Variants in DLG2 observed in about 807,000 individuals in gnomAD.
DLG2 encodes discs large MAGUK scaffold protein 2, also known as disks large homolog 2.
In DLG2, 45 loss-of-function variants were observed where a neutral mutation model predicts 132.5. The ratio of observed to expected loss-of-function variants is 0.34; its 90% CI spans 0.27 to 0.44. The LOEUF is 0.44. Ranked by LOEUF, DLG2 falls within the 20% of genes least tolerant of loss-of-function variation. The pLI, the probability that DLG2 is intolerant of heterozygous loss-of-function variation, is 1.00. For synonymous variants in DLG2, 424 were observed against 419.6 expected (o/e 1.01, Z -0.13); for missense variants, 1,045 against 1,196.9 (o/e 0.87, Z 1.87).
At chr11:83,641,986 A>G (rs1436022404) in intron 18 of DLG2, among the ~76,000 whole-genome samples, 1 of 152,088 alleles carries the variant, frequency 6.6e-6, no homozygotes, top group African/African-American at 2.4e-5. Context: ...TATGAACTAA[A>G]TTCATCAGAA....
intron 7 of DLG2, among the ~76,000 whole-genome samples, chr11:84,405,813 A>T (rs1015830465): frequency 6.6e-6 from 1 of 151,966 alleles, no homozygotes; most frequent in Non-Finnish European, 1.5e-5. Context: ...ATATATAAAA[A>T]CTCAATTCAC....
chr11:85,308,891 T>C (rs115548378), intron 3 of DLG2, among the ~76,000 whole-genome samples: 122 of 152,260 alleles, frequency 8.0e-4, no homozygotes, highest in African/African-American at 2.8e-3. Context: ...AATACTACTA[T>C]TGTTATTATT....
intron 4 of DLG2, among the ~76,000 whole-genome samples, chr11:85,185,630 T>C (rs1171507104): frequency 6.6e-6 from 1 of 151,748 alleles, no homozygotes; most frequent in African/African-American, 2.4e-5. Context: ...TTCTATCTGC[T>C]TGGCTGATTC....
At chr11:83,856,466 C>G (rs999073893) in intron 16 of DLG2, among the ~76,000 whole-genome samples, 1 of 152,146 alleles carries the variant, frequency 6.6e-6, no homozygotes, top group East Asian at 1.9e-4. Flanking sequence ...AAAAGCAGTC[C>G]TTTTTCTCCA....
chr11:85,065,593 G>T (rs1212719882), intron 6 of DLG2, among the ~76,000 whole-genome samples: 2 of 150,460 alleles, frequency 1.3e-5, no homozygotes, highest in African/African-American at 4.9e-5. Context: ...TAAGTTCTGG[G>T]ATAAAATAAC....
intron 6 of DLG2, among the ~76,000 whole-genome samples, chr11:84,924,361 C>T (rs981847571): frequency 9.9e-5 from 15 of 152,172 alleles, no homozygotes; most frequent in Non-Finnish European, 8.8e-5. Context: ...GTCTTTGCCA[C>T]GATGCTCCCC....
chr11:83,733,240 C>CAAA (rs71066061), intron 18 of DLG2, among the ~76,000 whole-genome samples: 92 of 45,928 alleles, frequency 2.0e-3, no homozygotes, highest in African/African-American at 2.3e-3. Flanking sequence ...GACCCCATCT[C>CAAA]AAAAAAAAAA....
At chr11:85,237,481 C>A (rs1595606890) in intron 4 of DLG2, among the ~76,000 whole-genome samples, 2 of 151,942 alleles carry the variant, frequency 1.3e-5, no homozygotes, top group African/African-American at 2.4e-5. Context: ...GGGCTCTGAC[C>A]TTTGTGCAGT....
intron 6 of DLG2, chr11:85,021,356 A>T (rs566005759): frequency 7.7e-7 from 1 of 1,306,426 alleles, no homozygotes; most frequent in South Asian, 1.2e-5. Flanking sequence ...TGTGCTGCAG[A>T]TCGTTTCACA....
intron 7 of DLG2, among the ~76,000 whole-genome samples, chr11:84,364,079 G>C (rs891694694): frequency 4.6e-4 from 70 of 152,140 alleles, no homozygotes; most frequent in African/African-American, 1.6e-3. Flanking sequence ...GGATGGCATT[G>C]AATCTATAAA....
intron 8 of DLG2, chr11:84,166,828 C>T: frequency 4.2e-6 from 2 of 473,800 alleles, no homozygotes; most frequent in Non-Finnish European, 8.7e-6. Flanking sequence ...TTGAACTTGC[C>T]TTGGTGTCTC....
At chr11:83,800,949 CCA>C (rs1280630634) in intron 17 of DLG2, among the ~76,000 whole-genome samples, 2 of 152,260 alleles carry the variant, frequency 1.3e-5, no homozygotes, top group Admixed American at 6.5e-5. Context: ...TACATTAACT[CCA>C]GACTTGAAAT....
intron 6 of DLG2, among the ~76,000 whole-genome samples, chr11:84,945,929 C>T (rs771778887): frequency 6.6e-6 from 1 of 151,926 alleles, no homozygotes; most frequent in Non-Finnish European, 1.5e-5. Context: ...AAGACAAAAC[C>T]CTTCTCACTT....
intron 18 of DLG2, among the ~76,000 whole-genome samples, chr11:83,753,966 A>G (rs936569221): frequency 6.8e-6 from 1 of 146,490 alleles, no homozygotes; most frequent in African/African-American, 2.6e-5. Flanking sequence ...ATTACATGCC[A>G]AGTGAAATAG....
At chr11:85,169,791 C>A (rs190587040) in intron 4 of DLG2, among the ~76,000 whole-genome samples, 254 of 152,228 alleles carry the variant, frequency 1.7e-3, no homozygotes, top group South Asian at 3.1e-3. Context: ...AGATAAAGAA[C>A]CTTCAGAGAG....
chr11:84,805,565 T>C (rs1439998983), intron 6 of DLG2, among the ~76,000 whole-genome samples: 1 of 152,154 alleles, frequency 6.6e-6, no homozygotes, highest in African/African-American at 2.4e-5. Flanking sequence ...GTTCTCATGA[T>C]AAATTCCTCA....
intron 6 of DLG2, among the ~76,000 whole-genome samples, chr11:85,027,355 C>T (rs1461150728): frequency 6.6e-6 from 1 of 152,108 alleles, no homozygotes; most frequent in Non-Finnish European, 1.5e-5. Context: ...TTTCTTTACT[C>T]TATCCAGAAG....
chr11:83,567,847 T>C (rs998662887), intron 19 of DLG2, among the ~76,000 whole-genome samples: 1 of 152,048 alleles, frequency 6.6e-6, no homozygotes, highest in African/African-American at 2.4e-5. Context: ...TATGGCTAGA[T>C]AAGGATCATA....
Position 85,415,728 on chromosome 11 carries a change from T to A in DLG2, c.41-130363A>T, listed in dbSNP as rs149360557. 9.8e-4 allele frequency among the ~76,000 whole-genome samples: 150 copies of A among 152,292 alleles called. 1 individual carries two copies. The highest frequency in any genetic ancestry group is 3.4e-3 in the African/African-American group (143 of 41,576). Reference sequence around the variant, plus strand: ...TTTTTTTCTTGTAAATTTATTTAAGTTCTTTGTAGATTCTGGATATTAGCC... The same window carrying A: ...TTTTTTTCTTGTAAATTTATTTAAGATCTTTGTAGATTCTGGATATTAGCC... On this transcript the variant is annotated intron_variant, in intron 3 of 27. Transcript: ENST00000376104.
Sources: allele counts gnomAD v4.1 joint callset (sites outside exome capture counted in the v4.1 genomes callset), GRCh38; gene constraint gnomAD v4.1.1; transcripts MANE v1.5; gene names NCBI Gene and HGNC (gene_info 2026-07-23, HGNC 2026-07-21).